CAST: variants seen among roughly 807,000 people sequenced by gnomAD.
CAST encodes calpastatin.
In CAST, 76 loss-of-function variants were observed where a neutral mutation model predicts 119.6. That is an observed-to-expected ratio of 0.64 (90% CI 0.53 to 0.77). The LOEUF (loss-of-function observed/expected upper bound fraction) is 0.77, where lower values mean the gene tolerates loss of function less well. CAST is among the 30% of genes least tolerant of loss of function. The pLI is 0.00. For missense variants in CAST, 953 were observed against 946.5 expected (o/e 1.01, Z -0.09); for synonymous variants, 319 against 331.6 (o/e 0.96, Z 0.41).
At chr5:96,207,869 T>A in the CAST span, among the ~76,000 whole-genome samples, 1 of 152,060 alleles carries the variant, frequency 6.6e-6, no homozygotes, top group African/African-American at 2.4e-5. Context: ...TAAGTAGAAA[T>A]GGTACCAGCT....
chr5:96,031,210 T>G, the CAST span, among the ~76,000 whole-genome samples: 2 of 151,384 alleles, frequency 1.3e-5, no homozygotes, highest in African/African-American at 4.8e-5. Flanking sequence ...ATTATAGACT[T>G]TTTCTTTTCC....
At chr5:96,365,891 G>T in the CAST span, among the ~76,000 whole-genome samples, 1 of 152,126 alleles carries the variant, frequency 6.6e-6, no homozygotes. Context: ...TGGTTATTTT[G>T]CTCATTAGTT....
the CAST span, among the ~76,000 whole-genome samples, chr5:96,047,706 G>A: frequency 2.6e-5 from 4 of 152,114 alleles, no homozygotes; most frequent in Non-Finnish European, 2.9e-5. Flanking sequence ...TATTGATGAG[G>A]GAAAACAGAC....
chr5:96,414,746 G>A, the CAST span, among the ~76,000 whole-genome samples: 20 of 152,104 alleles, frequency 1.3e-4, no homozygotes, highest in Non-Finnish European at 2.6e-4. Flanking sequence ...TAGCTGTTTC[G>A]TTCATTATGA....
intron 2 of CAST, among the ~76,000 whole-genome samples, chr5:96,678,019 T>C (rs1180645507): frequency 1.3e-5 from 2 of 152,134 alleles, no homozygotes; most frequent in Non-Finnish European, 2.9e-5. Flanking sequence ...CTGGAGACAG[T>C]TCAAGGAAAC....
the CAST span, among the ~76,000 whole-genome samples, chr5:96,336,076 T>C: frequency 6.6e-6 from 1 of 152,216 alleles, no homozygotes; most frequent in Non-Finnish European, 1.5e-5. Context: ...AACAGTAATC[T>C]GACCCAGTCC....
chr5:96,101,926 C>G, the CAST span, among the ~76,000 whole-genome samples: 2 of 152,226 alleles, frequency 1.3e-5, no homozygotes, highest in African/African-American at 4.8e-5. Flanking sequence ...CAGGATATGG[C>G]TGGCTGCTTT....
chr5:96,052,141 A>T, the CAST span, among the ~76,000 whole-genome samples: 2 of 152,218 alleles, frequency 1.3e-5, no homozygotes, highest in African/African-American at 2.4e-5. Flanking sequence ...AAAATATTAA[A>T]TAAAGAGGGT....
intron 1 of CAST, among the ~76,000 whole-genome samples, chr5:96,578,599 T>C (rs1375813692): frequency 7.2e-5 from 11 of 152,184 alleles, no homozygotes; most frequent in Non-Finnish European, 1.6e-4. Flanking sequence ...ATTTTCTACT[T>C]TTTCATTTGT....
chr5:96,660,318 TACTC>T (rs966344418), upstream of CAST, among the ~76,000 whole-genome samples: 34 of 152,288 alleles, frequency 2.2e-4, no homozygotes, highest in Non-Finnish European at 3.8e-4. Context: ...CCTTTGTACT[TACTC>T]ACACACTGTT....
the CAST span, among the ~76,000 whole-genome samples, chr5:95,966,354 A>T: frequency 6.6e-6 from 1 of 152,274 alleles, no homozygotes; most frequent in South Asian, 2.1e-4. Flanking sequence ...TGAAACTGGC[A>T]GCCCTGGGGT....
the CAST span, among the ~76,000 whole-genome samples, chr5:96,132,358 A>G: frequency 1.3e-5 from 2 of 152,138 alleles, no homozygotes; most frequent in Non-Finnish European, 2.9e-5. Flanking sequence ...TAATGATCAA[A>G]TTAGGGTAAT....
the CAST span, among the ~76,000 whole-genome samples, chr5:96,498,728 T>G: frequency 1.3e-5 from 2 of 152,224 alleles, no homozygotes; most frequent in Non-Finnish European, 2.9e-5. Flanking sequence ...AGTGAAACAA[T>G]GAACATCTTG....
At chr5:96,565,077 GGTGT>G (rs61240765) in intron 1 of CAST, among the ~76,000 whole-genome samples, 38 of 148,734 alleles carry the variant, frequency 2.6e-4, no homozygotes, top group South Asian at 6.5e-4. Flanking sequence ...ACATGGGAAA[GGTGT>G]GTGTGTGTGT....
intron 1 of CAST, among the ~76,000 whole-genome samples, chr5:96,530,103 T>C (rs1745663881): frequency 6.7e-6 from 1 of 150,374 alleles, no homozygotes; most frequent in Non-Finnish European, 1.5e-5. Flanking sequence ...GAAATAAACA[T>C]AATAATTTCA....
chr5:96,712,128 A>C (rs1402599874), intron 3 of CAST, among the ~76,000 whole-genome samples: 1 of 152,220 alleles, frequency 6.6e-6, no homozygotes, highest in Non-Finnish European at 1.5e-5. Context: ...CCTACTTTAA[A>C]ATGTGTTCTA....
chr5:96,145,906 T>C, the CAST span, among the ~76,000 whole-genome samples: 16 of 152,278 alleles, frequency 1.1e-4, no homozygotes, highest in East Asian at 1.2e-3. Flanking sequence ...GGATGGTTGA[T>C]GCTAGCTGAC....
chr5:96,534,956 A>G (rs915902062), intron 1 of CAST, among the ~76,000 whole-genome samples: 1 of 152,034 alleles, frequency 6.6e-6, no homozygotes, highest in East Asian at 1.9e-4. Context: ...AGGGAAAGAA[A>G]GAAAGAAAAA....
At chr5:96,220,896 C>T in the CAST span, among the ~76,000 whole-genome samples, 3 of 152,100 alleles carry the variant, frequency 2.0e-5, no homozygotes, top group South Asian at 2.1e-4. Context: ...TGCCCTTTGT[C>T]GGTATGATAT....
Sources: gnomAD v4.1 joint callset for allele counts (sites outside exome capture counted in the v4.1 genomes callset) on GRCh38, gnomAD v4.1.1 for gene constraint, MANE v1.5 for transcripts, NCBI Gene and HGNC (gene_info 2026-07-23, HGNC 2026-07-21) for gene names.